Variants in ARMC9 observed in about 807,000 individuals in gnomAD.
ARMC9 encodes lisH domain-containing protein ARMC9.
In ARMC9, 94 loss-of-function variants were observed where a neutral mutation model predicts 107.0. The observed-to-expected ratio is 0.88, with a 90% CI of 0.74 to 1.04. The LOEUF is 1.04. ARMC9 is among the 50% of genes least tolerant of loss of function. The pLI is 0.00. For missense variants in ARMC9, 942 were observed against 1,030.1 expected (o/e 0.91, Z 1.17); for synonymous variants, 380 against 396.9 (o/e 0.96, Z 0.51).
intron 21 of ARMC9, among the ~76,000 whole-genome samples, chr2:231,349,671 C>T (rs1001358449): frequency 1.3e-5 from 2 of 152,016 alleles, no homozygotes; most frequent in African/African-American, 2.4e-5. Context: ...AATCCAGCTC[C>T]TCGGGAGGCT....
At chr2:231,268,133 A>C (rs1200170402) in intron 12 of ARMC9, among the ~76,000 whole-genome samples, 2 of 152,212 alleles carry the variant, frequency 1.3e-5, no homozygotes, top group Non-Finnish European at 2.9e-5. Context: ...TTTATTAAAA[A>C]ATTTAAGGAG....
At chr2:231,284,877 AT>A (rs1386125677) in intron 17 of ARMC9, among the ~76,000 whole-genome samples, 6 of 152,010 alleles carry the variant, frequency 3.9e-5, no homozygotes, top group African/African-American at 1.4e-4. Context: ...TATTACAAAT[AT>A]TTTCTCAATT....
At chr2:231,256,071 C>G in intron 9 of ARMC9, 1 of 1,537,814 alleles carries the variant, frequency 6.5e-7, no homozygotes, top group East Asian at 2.4e-5. Flanking sequence ...ACCGCCTCTC[C>G]GCCAGACCGC....
At chr2:231,240,531 G>A (rs1329798139) in intron 9 of ARMC9, among the ~76,000 whole-genome samples, 2 of 152,100 alleles carry the variant, frequency 1.3e-5, no homozygotes, top group South Asian at 2.1e-4. Flanking sequence ...AAGTGAACAC[G>A]CACACATATG....
intron 9 of ARMC9, 50 bp from the exon 10 acceptor site, chr2:231,256,536 T>G (rs900805098): frequency 1.9e-6 from 3 of 1,594,866 alleles, no homozygotes; most frequent in Non-Finnish European, 1.7e-6. Context: ...ATCCGTGCAT[T>G]GCTATCAGTG....
At chr2:231,319,611 A>G (rs1339808324) in intron 19 of ARMC9, among the ~76,000 whole-genome samples, 1 of 152,128 alleles carries the variant, frequency 6.6e-6, no homozygotes, top group Non-Finnish European at 1.5e-5. Flanking sequence ...CATCTTCCAG[A>G]TGGTGTCTAC....
intron 9 of ARMC9, among the ~76,000 whole-genome samples, chr2:231,242,149 G>C (rs910438217): frequency 2.0e-5 from 3 of 149,154 alleles, no homozygotes; most frequent in Non-Finnish European, 4.4e-5. Flanking sequence ...AAGTTCAAAT[G>C]CTTTTTTTTT....
intron 7 of ARMC9, among the ~76,000 whole-genome samples, chr2:231,235,008 C>T (rs1422907780): frequency 6.6e-6 from 1 of 152,208 alleles, no homozygotes; most frequent in African/African-American, 2.4e-5. Flanking sequence ...TTGGGTTGAA[C>T]TTCCTGAAAA....
chr2:231,312,828 T>C (rs1444438312), intron 19 of ARMC9, among the ~76,000 whole-genome samples: 5 of 152,204 alleles, frequency 3.3e-5, no homozygotes, highest in African/African-American at 1.2e-4. Flanking sequence ...CTCAATGAAC[T>C]AATCTGTATA....
chr2:231,257,428 C>T (rs1390053741), intron 10 of ARMC9, among the ~76,000 whole-genome samples: 2 of 152,170 alleles, frequency 1.3e-5, no homozygotes, highest in Non-Finnish European at 2.9e-5. Flanking sequence ...TTCTGGGACC[C>T]TCTGAGCCAG....
chr2:231,329,015 C>T (rs1402724028), intron 19 of ARMC9, among the ~76,000 whole-genome samples: 1 of 151,676 alleles, frequency 6.6e-6, no homozygotes, highest in African/African-American at 2.4e-5. Flanking sequence ...GACAGGGTTT[C>T]ACCATGTTAG....
intron 7 of ARMC9, among the ~76,000 whole-genome samples, chr2:231,227,091 G>A (rs912282854): frequency 1.3e-5 from 2 of 152,184 alleles, no homozygotes; most frequent in Non-Finnish European, 2.9e-5. Context: ...TCCCTAGAAG[G>A]TGTAGGGCAG....
At chr2:231,222,119 C>G (rs1370352886) in intron 5 of ARMC9, among the ~76,000 whole-genome samples, 1 of 152,074 alleles carries the variant, frequency 6.6e-6, no homozygotes, top group African/African-American at 2.4e-5. Flanking sequence ...TGTCCTGAGA[C>G]AAAGATTGTT....
chr2:231,279,901 T>C (rs1201241405), intron 16 of ARMC9, among the ~76,000 whole-genome samples: 4 of 152,190 alleles, frequency 2.6e-5, no homozygotes, highest in Non-Finnish European at 2.9e-5. Flanking sequence ...GTGACTTCTT[T>C]AGCAAGTGGA....
intron 17 of ARMC9, among the ~76,000 whole-genome samples, chr2:231,282,793 C>T (rs1223844527): frequency 1.3e-5 from 2 of 152,214 alleles, no homozygotes; most frequent in African/African-American, 4.8e-5. Flanking sequence ...TCAACAGTTA[C>T]ACCAGAGACC....
intron 19 of ARMC9, among the ~76,000 whole-genome samples, chr2:231,298,344 C>G (rs79528650): frequency 6.6e-6 from 1 of 152,360 alleles, no homozygotes; most frequent in African/African-American, 2.4e-5. Flanking sequence ...TTTTACTCAG[C>G]TTTCACCGGA....
rs542244789 is a variant in ARMC9, at chr2:231,350,611, G to T, written c.1995-5187G>T. Among the ~76,000 whole-genome samples, 19 of 142,226 alleles carry T rather than the reference G, an allele frequency of 1.3e-4. No homozygotes were observed. The South Asian group carries it at 3.8e-3, about 29-fold the overall frequency. 93.3% of individuals were successfully genotyped at this position (142,226 alleles called of 152,430 possible). On this transcript the variant is annotated intron_variant, in intron 21 of 24. Coordinates refer to ENST00000611582, the MANE Select transcript of ARMC9 (RefSeq NM_001352754.2). ...CTCTCCAGCCTGGGCAACAAAGTGAGACCCTTGTCTCAAAAAAAAAAAAAG... is the reference window on the plus strand; with the variant it reads ...CTCTCCAGCCTGGGCAACAAAGTGATACCCTTGTCTCAAAAAAAAAAAAAG...
intron 5 of ARMC9, among the ~76,000 whole-genome samples, chr2:231,220,730 G>A (rs2034035206): frequency 6.6e-6 from 1 of 151,738 alleles, no homozygotes; most frequent in Admixed American, 6.6e-5. Flanking sequence ...AGAGTTGAAA[G>A]CACAGAAAAA....
chr2:231,370,851 A>C, intron 24 of ARMC9: 1 of 291,954 alleles, frequency 3.4e-6, no homozygotes, highest in Non-Finnish European at 6.9e-6. Flanking sequence ...ACAGAACAAA[A>C]GGCCAGGCAG....
Sources: allele counts gnomAD v4.1 joint callset (sites outside exome capture counted in the v4.1 genomes callset), GRCh38; gene constraint gnomAD v4.1.1; transcripts MANE v1.5; gene names NCBI Gene and HGNC (gene_info 2026-07-23, HGNC 2026-07-21).